Variants in F7 observed in about 807,000 individuals in gnomAD.
The protein encoded by F7 is FVII coagulation protein.
A neutral mutation model predicts 47.5 loss-of-function variants in F7; 38 were observed. The ratio of observed to expected loss-of-function variants is 0.80; its 90% CI spans 0.62 to 1.05. The LOEUF (loss-of-function observed/expected upper bound fraction) is 1.05. F7 is among the 50% of genes least tolerant of loss of function. The probability of loss-of-function intolerance (pLI) is 0.00; values close to 1 mark genes in which losing one functional copy is unlikely to be tolerated. For synonymous variants in F7, 244 were observed against 258.5 expected, an observed-to-expected ratio of 0.94 and a Z score of 0.54; for missense variants, 575 against 605.4, an observed-to-expected ratio of 0.95 and a Z score of 0.53.
intron 2 of F7, 101 bp downstream of exon 2, chr13:113,110,951 G>T: frequency 1.5e-6 from 2 of 1,352,148 alleles, no homozygotes; most frequent in South Asian, 3.0e-5. Context: ...GGCTGTGGGC[G>T]GCGAACACGC....
chr13:113,116,081 C>A (rs2036188563), intron 5 of F7, among the ~76,000 whole-genome samples: 1 of 152,222 alleles, frequency 6.6e-6, no homozygotes, highest in Non-Finnish European at 1.5e-5. Flanking sequence ...ACGTCCAACT[C>A]CCACTCGCAG....
intron 2 of F7, among the ~76,000 whole-genome samples, chr13:113,111,703 A>G (rs1359606546): frequency 5.9e-5 from 3 of 50,696 alleles, no homozygotes; most frequent in African/African-American, 8.8e-5. Context: ...TCACACTCAC[A>G]GGTCACCTCA....
rs1302745607 is a variant in F7, at chr13:113,107,057, C to T, written c.64+1152C>T. On this transcript the variant is annotated intron_variant, in intron 1 of 7. Transcript: ENST00000346342. ...TGTTCCCTGCTCGAGAGGAAGTGAC[C>T]GCTCCAGCTTGGCCTTCCCTGGGAC... 6 of 901,996 alleles carry T rather than the reference C, an allele frequency of 6.7e-6. 1 individual carries two copies. The highest frequency in any genetic ancestry group is 6.0e-5 in the South Asian group (4 of 66,496). 55.9% of individuals were successfully genotyped at this position (901,996 alleles called of 1,614,324 possible).
chr13:113,110,182 G>A (rs1307489110), intron 1 of F7, among the ~76,000 whole-genome samples: 1 of 152,170 alleles, frequency 6.6e-6, no homozygotes, highest in Non-Finnish European at 1.5e-5. Flanking sequence ...GCTGTCGGGG[G>A]AGCCGGGCAG....
chr13:113,105,917 G>T lies in F7; in HGVS notation c.64+12G>T. 1 of 1,576,946 alleles carries T rather than the reference G, an allele frequency of 6.3e-7. No individual in the cohort carries two copies. On this transcript the variant is annotated intron_variant, in intron 1 of 7. Coordinates refer to ENST00000346342, the MANE Select transcript of F7 (RefSeq NM_019616.4). ...CTGCCTGGCTGCAGGTGCGTCCGGG[G>T]AGGTTTTCTCCATAAACTTGGTGGA...
chr13:113,112,336 C>G (rs1375907916), intron 2 of F7, among the ~76,000 whole-genome samples: 4 of 148,688 alleles, frequency 2.7e-5, no homozygotes, highest in African/African-American at 1.0e-4. Flanking sequence ...TCACAGGTCA[C>G]CTTACTCTCA....
chr13:113,116,839 G>A lies in F7; in HGVS notation c.579G>A (p.Gly193=). 5 of 1,613,822 alleles carry A rather than the reference G, an allele frequency of 3.1e-6. No homozygotes were observed. Among genetic ancestry groups the A allele is most frequent in the Non-Finnish European group, 4.2e-6 (5 of 1,180,028 alleles). Residue 193 remains glycine (G), a synonymous_variant, in exon 6 of 8, where the codon GGG becomes GGA. Transcript: ENST00000346342. ...NASKPQGRIV[G]GKVCPKGECP... is the part of the protein sequence containing the mutation. ...GCAAACCCCAAGGCCGAATTGTGGG[G>A]GGCAAGGTGTGCCCCAAAGGGGAGT...
intron 1 of F7, among the ~76,000 whole-genome samples, chr13:113,106,233 C>T (rs912175563): frequency 3.1e-4 from 42 of 134,504 alleles, no homozygotes; most frequent in Non-Finnish European, 3.6e-4. Context: ...GCAGGAAGTG[C>T]GCACAGGGTG....
intron 2 of F7, among the ~76,000 whole-genome samples, chr13:113,112,095 CAGGACACCTCACAG>C: frequency 6.9e-6 from 1 of 145,828 alleles, no homozygotes; most frequent in Non-Finnish European, 1.5e-5. Flanking sequence ...CTCACACTCA[CAGGACACCTCACAG>C]AGGTCACCTC....
At chr13:113,112,773 C>A (rs538181539) in intron 2 of F7, among the ~76,000 whole-genome samples, 3 of 150,266 alleles carry the variant, frequency 2.0e-5, no homozygotes, top group Non-Finnish European at 4.4e-5. Flanking sequence ...TCATAGGTCA[C>A]CTCAGTCTTA....
chr13:113,109,133 TGGGTGTCCCGGGAGTGTGGGTGTCCC>T (rs2036037593), intron 1 of F7, among the ~76,000 whole-genome samples: 1 of 57,710 alleles, frequency 1.7e-5, no homozygotes, highest in Non-Finnish European at 3.8e-5. Context: ...CCCGGGGGCG[TGGGTGTCCCGGGAGTGTGGGTGTCCC>T]GGGGGCGTGG....
chr13:113,115,754 C>G lies in F7; in HGVS notation c.459C>G (p.His153Gln). ...HTGTKRSCRC[H>Q]EGYSLLADGV... ...GCACCAAGCGCTCCTGTCGGTGCCA[C>G]GAGGGGTACTCTCTGCTGGCAGACG... Residue 153 changes from histidine (H) to glutamine (Q), a missense_variant, in exon 5 of 8, where the codon CAC (histidine) becomes CAG (glutamine). His to Gln is a conservative substitution (Grantham distance 24). Transcript: ENST00000346342. The G allele has an allele frequency of 3.7e-6, 6 of 1,613,130 alleles. No homozygotes were observed. Among genetic ancestry groups the G allele is most frequent in the Non-Finnish European group, 4.2e-6 (5 of 1,180,004 alleles).
chr13:113,110,756 A>G lies in F7; in HGVS notation c.131A>G (p.Glu44Gly). The change falls in exon 2 of 8, where the codon GAG becomes GGG. Residue 44 changes from glutamate (E) to glycine (G), a missense_variant. By Grantham distance (98) the Glu-to-Gly change is moderately conservative. Coordinates refer to ENST00000346342, the MANE Select transcript of F7 (RefSeq NM_019616.4). ...HRRRRANAFL[E>G]ELRPGSLERE... The stretch of plus-strand genomic sequence containing the variant: ...CGCCGGCGCGCCAACGCGTTCCTGG[A>G]GGAGCTGCGGCCGGGCTCCCTGGAG... The G allele has an allele frequency of 6.5e-7, 1 of 1,549,370 alleles. No individual in the cohort carries two copies. The highest frequency in any genetic ancestry group is 8.7e-7 in the Non-Finnish European group (1 of 1,146,766).
In F7 at chr13:113,118,568, CT is replaced by C; in HGVS notation, c.896del (p.Leu299ProfsTer45). On this transcript the variant is annotated frameshift_variant, in exon 8 of 8. Coordinates refer to ENST00000346342, the MANE Select transcript of F7 (RefSeq NM_019616.4). LOFTEE classifies it high-confidence loss of function. Reference sequence around the variant, plus strand: ...GGTCCTCACTGACCATGTGGTGCCCCTCTGCCTGCCCGAACGGACGTTCTCT... The same window carrying C: ...GGTCCTCACTGACCATGTGGTGCCCCCTGCCTGCCCGAACGGACGTTCTCT... ...PVVLTDHVVP[L>X]CLPERTFSER... is the part of the protein sequence containing the mutation. 6.2e-7 allele frequency: 1 copy of C among 1,612,736 alleles called. No individual in the cohort carries two copies. The highest frequency in any genetic ancestry group is 1.6e-4 in the Middle Eastern group (1 of 6,062).
At chr13:113,118,360 G>A (rs368524525) in intron 7 of F7, 53 bp from the exon 8 acceptor site, 1 of 1,537,696 alleles carries the variant, frequency 6.5e-7, no homozygotes, top group Non-Finnish European at 8.8e-7. Flanking sequence ...CATGCACCAG[G>A]GGGTGAGGTG....
At chr13:113,107,341 G>A (rs796601367) in intron 1 of F7, among the ~76,000 whole-genome samples, 18 of 67,808 alleles carry the variant, frequency 2.7e-4, no homozygotes, top group African/African-American at 6.9e-4. Flanking sequence ...GGTGTCCCGG[G>A]GGCGTGGGTG....
rs751971986 is a variant in F7, at chr13:113,117,466, C to G, written c.616-7C>G. The G allele has an allele frequency of 6.2e-6, 10 of 1,613,818 alleles. No homozygotes were observed. Among genetic ancestry groups the G allele is most frequent in the Middle Eastern group, 1.7e-4 (1 of 6,060 alleles). ...GTGACTTCCACACCTCCTGTCCCCC[C>G]GCCCAGGTCCTGTTGTTGGTGAATG... is the stretch of plus-strand genomic sequence containing the variant. On this transcript the variant is annotated splice_polypyrimidine_tract_variant and splice_region_variant and intron_variant, in intron 6 of 7. Coordinates refer to ENST00000346342, the MANE Select transcript of F7 (RefSeq NM_019616.4).
Position 113,117,347 on chromosome 13 carries a change from A to G in F7, c.616-126A>G, listed in dbSNP as rs536258354. The G allele has an allele frequency of 2.0e-6, 3 of 1,492,154 alleles. No homozygotes were observed. In the East Asian group the frequency reaches 6.8e-5, roughly 34 times the overall value. The allele number at this position is 1,492,154 out of a possible 1,614,324, so 92.4% of individuals were successfully genotyped here. ...GCAGCTTTGCCTGGGAGGGATCTGC[A>G]AAGACCCCAGGATTTCAGAAAGAAA... On this transcript the variant is annotated intron_variant, in intron 6 of 7. Transcript: ENST00000346342.
chr13:113,111,412 G>T (rs1341637561), intron 2 of F7, among the ~76,000 whole-genome samples: 1 of 91,150 alleles, frequency 1.1e-5, no homozygotes, highest in Admixed American at 1.3e-4. Context: ...CACACTCACA[G>T]GACACCTCAC....
Sources: allele counts gnomAD v4.1 joint callset (sites outside exome capture counted in the v4.1 genomes callset), GRCh38; gene constraint gnomAD v4.1.1; transcripts MANE v1.5; gene names NCBI Gene and HGNC (gene_info 2026-07-23, HGNC 2026-07-21).